The following RNF126 variants were observed in gnomAD, a reference collection of about 807,000 sequenced individuals.
The protein encoded by RNF126 is E3 ubiquitin-protein ligase RNF126.
Under a neutral mutation model 41.9 loss-of-function variants are expected in RNF126, and 20 were observed. The observed-to-expected ratio is 0.48, with a 90% confidence interval of 0.34 to 0.69. RNF126 has a LOEUF of 0.69. Ranked by LOEUF, RNF126 falls within the 30% of genes least tolerant of loss-of-function variation. RNF126 has a pLI of 0.01. For synonymous variants in RNF126, 239 were observed against 202.9 expected (o/e 1.18, Z -1.51); for missense variants, 433 against 460.6 (o/e 0.94, Z 0.55).
At chr19:649,099 G>A (rs947502704) in intron 6 of RNF126, 124 bp from the exon 7 acceptor site, 4 of 452,524 alleles carry the variant, frequency 8.8e-6, no homozygotes, top group Non-Finnish European at 1.1e-5. Context: ...TGGGCCCCTT[G>A]GAGCCCGCCC....
intron 4 of RNF126, among the ~76,000 whole-genome samples, chr19:651,221 C>T (rs1220407884): frequency 2.6e-5 from 4 of 151,320 alleles, no homozygotes; most frequent in Non-Finnish European, 4.4e-5. Flanking sequence ...AGGCTCCGTT[C>T]CACCAGGAGT....
At position 647,996 on chromosome 19, in the gene RNF126, G is replaced by C; in HGVS notation, c.*132C>G. ...GTGGGCCGGGCCCGGGTCCTGCCCTGGAACAGGCGGGACCTGCAGCGCTGA... is the reference window on the plus strand; with the variant it reads ...GTGGGCCGGGCCCGGGTCCTGCCCTCGAACAGGCGGGACCTGCAGCGCTGA... On this transcript the variant is annotated 3_prime_UTR_variant, in exon 9 of 9. Coordinates refer to ENST00000292363, the MANE Select transcript of RNF126 (RefSeq NM_194460.3). 5.2e-6 allele frequency: 6 copies of C among 1,149,038 alleles called. No individual in the cohort carries two copies. The highest frequency in any genetic ancestry group is 7.2e-6 in the Non-Finnish European group (6 of 837,968). 71.2% of individuals were successfully genotyped at this position (1,149,038 alleles called of 1,614,324 possible).
chr19:648,392 T>C lies in RNF126; in HGVS notation c.766A>G (p.Ile256Val), dbSNP rs1246354715. The C allele has an allele frequency of 6.4e-7, 1 of 1,560,944 alleles. No individual in the cohort carries two copies. ...PCNHLFHDGCIVPWLEQHDSC... is the reference protein window; with the variant it reads ...PCNHLFHDGCVVPWLEQHDSC... ...CTCACCTGCTCCAGCCAGGGCACGA[T>C]GCAGCCGTCGTGGAACAGGTGGTTG... Residue 256 changes from isoleucine (I) to valine (V), a missense_variant, in exon 8 of 9, where the codon ATC (isoleucine) becomes GTC (valine). Around this residue, in one of 5 missense-constraint regions of RNF126, gnomAD observed 97 missense variants for 121.7 expected, o/e 0.80. Coordinates refer to ENST00000292363, the MANE Select transcript of RNF126 (RefSeq NM_194460.3).
chr19:655,452 C>G (rs1352027048), intron 1 of RNF126, among the ~76,000 whole-genome samples: 2 of 151,822 alleles, frequency 1.3e-5, no homozygotes, highest in African/African-American at 2.4e-5. Context: ...CGCCACTGCA[C>G]TCTAGCCCGG....
rs2030387873 is a variant in RNF126, at chr19:652,876, G to C, written c.84C>G (p.Ile28Met). 6.2e-7 allele frequency: 1 copy of C among 1,612,752 alleles called. No homozygotes were observed. The highest frequency in any genetic ancestry group is 8.5e-7 in the Non-Finnish European group (1 of 1,179,598). ...TAAAACCAGACTCGCATCTTGGACA[G>C]ATATAATCCTGCAGGAGAGAACAGG... Reference protein sequence around the residue: ...VEIVPRLPDYICPRCESGFIE... With the variant: ...VEIVPRLPDYMCPRCESGFIE... Residue 28 changes from isoleucine (I) to methionine (M), a missense_variant, in exon 2 of 9, where the codon ATC becomes ATG. By Grantham distance (10) the Ile-to-Met change is conservative. Around this residue, in one of 5 missense-constraint regions of RNF126, gnomAD observed 247 missense variants for 224.7 expected, o/e 1.10. Coordinates refer to ENST00000292363, the MANE Select transcript of RNF126 (RefSeq NM_194460.3).
chr19:652,225 C>G lies in RNF126; in HGVS notation c.198+8G>C. ...ACGATCGGGAAGCACGAGGGGCGGG[C>G]GACTCACCTCCAACGGTGGCCGGCT... On this transcript the variant is annotated splice_region_variant and intron_variant, in intron 3 of 8. Coordinates refer to ENST00000292363, the MANE Select transcript of RNF126 (RefSeq NM_194460.3). 1 of 1,518,728 alleles carries G rather than the reference C, an allele frequency of 6.6e-7. No individual in the cohort carries two copies. Among genetic ancestry groups the G allele is most frequent in the Non-Finnish European group, 8.7e-7 (1 of 1,143,480 alleles). 94.1% of individuals were successfully genotyped at this position (1,518,728 alleles called of 1,614,324 possible).
chr19:662,162 T>C (rs887222806), intron 1 of RNF126, among the ~76,000 whole-genome samples: 6 of 152,008 alleles, frequency 3.9e-5, no homozygotes, highest in Admixed American at 2.6e-4. Context: ...CTAAAAATAA[T>C]ATTAGAAATG....
chr19:663,163 C>A lies in RNF126; in HGVS notation c.-42G>T. Reference sequence around the variant, plus strand: ...TCCGCGCCGCCCGCCCCCCGCGCGGCACCCGCCGCCGGCCGTTTGCTGCTC... The same window carrying A: ...TCCGCGCCGCCCGCCCCCCGCGCGGAACCCGCCGCCGGCCGTTTGCTGCTC... On this transcript the variant is annotated 5_prime_UTR_variant, in exon 1 of 9. Coordinates refer to ENST00000292363, the MANE Select transcript of RNF126 (RefSeq NM_194460.3). 9.8e-7 allele frequency: 1 copy of A among 1,022,466 alleles called. No individual in the cohort carries two copies. Among genetic ancestry groups the A allele is most frequent in the Non-Finnish European group, 1.2e-6 (1 of 820,166 alleles). The allele number at this position is 1,022,466 out of a possible 1,614,324, so 63.3% of individuals were successfully genotyped here.
At chr19:658,314 G>A (rs532897621) in intron 1 of RNF126, among the ~76,000 whole-genome samples, 2 of 152,020 alleles carry the variant, frequency 1.3e-5, no homozygotes, top group Non-Finnish European at 2.9e-5. Context: ...AGGGCCAGGC[G>A]CATGGAGGGG....
intron 1 of RNF126, among the ~76,000 whole-genome samples, chr19:660,038 C>G: frequency 6.6e-6 from 1 of 152,202 alleles, no homozygotes; most frequent in East Asian, 1.9e-4. Flanking sequence ...GCGATGGGAC[C>G]ACAGGCGTGA....
At chr19:656,303 T>C (rs992018671) in intron 1 of RNF126, among the ~76,000 whole-genome samples, 36 of 151,800 alleles carry the variant, frequency 2.4e-4, no homozygotes, top group African/African-American at 7.3e-4. Context: ...TGAGCCAAGA[T>C]TGCAGCAACA....
chr19:658,665 G>A (rs1041293719), intron 1 of RNF126, among the ~76,000 whole-genome samples: 1 of 152,162 alleles, frequency 6.6e-6, no homozygotes, highest in Non-Finnish European at 1.5e-5. Context: ...TGGGCCCCAC[G>A]CACCACACAC....
chr19:655,481 A>G (rs1341715881), intron 1 of RNF126, among the ~76,000 whole-genome samples: 1 of 151,460 alleles, frequency 6.6e-6, no homozygotes, highest in Non-Finnish European at 1.5e-5. Context: ...GTGACACTCC[A>G]TCTCAAAAAA....
At chr19:652,401 G>T in intron 2 of RNF126, 105 bp from the exon 3 acceptor site, 1 of 1,044,028 alleles carries the variant, frequency 9.6e-7, no homozygotes, top group Non-Finnish European at 1.4e-6. Context: ...AATTGTCCTT[G>T]GCACTGCTTC....
chr19:647,942 G>A lies in RNF126; in HGVS notation c.*186C>T, dbSNP rs2030036215. 1.5e-6 allele frequency: 1 copy of A among 683,992 alleles called. No individual in the cohort carries two copies. Among genetic ancestry groups the A allele is most frequent in the African/African-American group, 1.8e-5 (1 of 55,018 alleles). 42.4% of individuals were successfully genotyped at this position (683,992 alleles called of 1,614,324 possible). On this transcript the variant is annotated 3_prime_UTR_variant, in exon 9 of 9. Coordinates refer to ENST00000292363, the MANE Select transcript of RNF126 (RefSeq NM_194460.3). ...GGGGACGCCCCAGAGGGGACCATGT[G>A]GCCCACGCCTTCCCAAGCCAGGGGG... is the stretch of plus-strand genomic sequence containing the variant.
chr19:650,584 CTTTTTTTT>C (rs34495183), intron 4 of RNF126: 8 of 72,292 alleles, frequency 1.1e-4, no homozygotes, highest in African/African-American at 2.2e-4. Flanking sequence ...CTCTCGGCTA[CTTTTTTTT>C]TTTTTTTTTT....
intron 4 of RNF126, 157 bp downstream of exon 4, chr19:651,454 G>A: frequency 1.6e-6 from 1 of 630,852 alleles, no homozygotes; most frequent in Non-Finnish European, 2.4e-6. Context: ...AGGGCCGTGT[G>A]GGGAGTCACA....
In RNF126 at chr19:659,696, T is replaced by C. The variant is rs996212457; in HGVS notation, c.75+3351A>G. Reference sequence around the variant, plus strand: ...AGCTCCAGCTGGCCTGTCTGGTTCCTGCCGCCACACGCCCCACTCTGGCTG... The same window carrying C: ...AGCTCCAGCTGGCCTGTCTGGTTCCCGCCGCCACACGCCCCACTCTGGCTG... On this transcript the variant is annotated intron_variant, in intron 1 of 8. Coordinates refer to ENST00000292363, the MANE Select transcript of RNF126 (RefSeq NM_194460.3). The surrounding 1 kb of genome is among the most constrained non-coding windows in gnomAD (Gnocchi z 4.9). 6.6e-6 allele frequency among the ~76,000 whole-genome samples: 1 copy of C among 151,890 alleles called. No individual in the cohort carries two copies. The highest frequency in any genetic ancestry group is 2.4e-5 in the African/African-American group (1 of 41,340).
intron 1 of RNF126, among the ~76,000 whole-genome samples, chr19:653,672 G>A (rs1008725858): frequency 8.5e-5 from 13 of 152,170 alleles, no homozygotes; most frequent in African/African-American, 1.9e-4. Flanking sequence ...GGGCTGAAAC[G>A]TGCATGGTGC....
Sources: gnomAD v4.1 joint callset for allele counts (sites outside exome capture counted in the v4.1 genomes callset) on GRCh38, gnomAD v4.1.1 for gene constraint, gnomAD v4.1.1 regional missense constraint, Gnocchi (gnomAD v3.1) non-coding constraint, MANE v1.5 for transcripts, NCBI Gene and HGNC (gene_info 2026-07-23, HGNC 2026-07-21) for gene names.